FAR1: variants seen among roughly 807,000 people sequenced by gnomAD.
FAR1 encodes the protein male sterility domain-containing protein 2.
In FAR1, 22 loss-of-function variants were observed where a neutral mutation model predicts 61.1. The ratio of observed to expected loss-of-function variants is 0.36; its 90% confidence interval spans 0.26 to 0.51. The LOEUF is 0.51. FAR1 is among the 20% of genes least tolerant of loss of function. The pLI, the probability that FAR1 is intolerant of heterozygous loss-of-function variation, is 0.95. For synonymous variants in FAR1, 206 were observed against 209.7 expected (o/e 0.98, Z 0.15); for missense variants, 359 against 626.9 (o/e 0.57, Z 4.56).
intron 2 of FAR1, among the ~76,000 whole-genome samples, 179 bp from the exon 3 acceptor site, chr11:13,700,138 G>A (rs908831149): frequency 2.0e-5 from 3 of 152,056 alleles, no homozygotes; most frequent in Non-Finnish European, 2.9e-5. Flanking sequence ...GGATAATAGC[G>A]TGGGCCTCAT....
At chr11:13,706,981 A>C (rs1848439264) in intron 3 of FAR1, among the ~76,000 whole-genome samples, 1 of 152,198 alleles carries the variant, frequency 6.6e-6, no homozygotes, top group African/African-American at 2.4e-5. Context: ...CACAGGTCTG[A>C]TTCCAGAGCC....
intron 1 of FAR1, among the ~76,000 whole-genome samples, chr11:13,671,125 T>C (rs1847998568): frequency 6.6e-6 from 1 of 152,242 alleles, no homozygotes; most frequent in Admixed American, 6.5e-5. Context: ...TAACAATACC[T>C]AAGTGCTGAG....
rs944929328 is a variant in FAR1 at position 13,728,487 on chromosome 11, T to C, written c.1386-125T>C. On this transcript the variant is annotated intron_variant, in intron 11 of 11. Transcript: ENST00000354817. Reference sequence around the variant, plus strand: ...TTTTACCTACAGTATACTTAATGCCTATCATAAGTTTCAAATTAATATGGA... The same window carrying C: ...TTTTACCTACAGTATACTTAATGCCCATCATAAGTTTCAAATTAATATGGA... 5.8e-5 allele frequency: 48 copies of C among 827,802 alleles called. No homozygotes were observed. In the African/African-American group the frequency reaches 7.8e-4, roughly 14 times the overall value. The allele number at this position is 827,802 out of a possible 1,614,324, so 51.3% of individuals were successfully genotyped here. A position where few individuals can be genotyped will look rare whatever the true frequency, so the allele number is the denominator to read the frequency against.
intron 1 of FAR1, among the ~76,000 whole-genome samples, 177 bp from the exon 2 acceptor site, chr11:13,694,582 C>G (rs186957753): frequency 1.1e-4 from 17 of 152,300 alleles, no homozygotes; most frequent in African/African-American, 4.1e-4. Flanking sequence ...AGCTATAGTT[C>G]TCATTCTTCT....
intron 1 of FAR1, among the ~76,000 whole-genome samples, chr11:13,688,488 G>GT (rs992159800): frequency 1.3e-4 from 19 of 151,754 alleles, no homozygotes; most frequent in Admixed American, 2.6e-4. Flanking sequence ...ATCATTCTGG[G>GT]TTTTTTTTAG....
intron 1 of FAR1, among the ~76,000 whole-genome samples, chr11:13,692,031 G>A (rs564676588): frequency 6.6e-6 from 1 of 152,244 alleles, no homozygotes; most frequent in East Asian, 1.9e-4. Context: ...AGCTGGGCGT[G>A]GTGGCGGGCA....
chr11:13,699,642 A>G (rs1591263215), intron 2 of FAR1, among the ~76,000 whole-genome samples: 1 of 152,210 alleles, frequency 6.6e-6, no homozygotes, highest in South Asian at 2.1e-4. Flanking sequence ...ACAATTGAAT[A>G]TGCCTTTAAA....
chr11:13,696,520 A>G (rs1017189643), intron 2 of FAR1, among the ~76,000 whole-genome samples: 1 of 152,160 alleles, frequency 6.6e-6, no homozygotes, highest in African/African-American at 2.4e-5. Context: ...TTTCTTCCAC[A>G]CTAAGCCTAA....
intron 1 of FAR1, among the ~76,000 whole-genome samples, chr11:13,686,029 G>A (rs1195420831): frequency 6.6e-6 from 1 of 152,122 alleles, no homozygotes; most frequent in Non-Finnish European, 1.5e-5. Flanking sequence ...TCTCATTCAT[G>A]ATGTGATGCC....
rs938472441 is a variant in FAR1 at position 13,726,080 on chromosome 11, T to C, written c.1258-1476T>C. On this transcript the variant is annotated intron_variant, in intron 10 of 11. Coordinates refer to ENST00000354817, the MANE Select transcript of FAR1 (RefSeq NM_032228.6). Reference sequence around the variant, plus strand: ...AAGGTCTAATATAAATTGATACTTTTATCCTTCTCTGATAGTGAAGGATCA... The same window carrying C: ...AAGGTCTAATATAAATTGATACTTTCATCCTTCTCTGATAGTGAAGGATCA... 3.3e-5 allele frequency among the ~76,000 whole-genome samples: 5 copies of C among 152,238 alleles called. No individual in the cohort carries two copies. In the East Asian group the frequency reaches 7.7e-4, roughly 23 times the overall value.
intron 9 of FAR1, among the ~76,000 whole-genome samples, chr11:13,718,456 G>A (rs1189636512): frequency 5.9e-5 from 9 of 152,266 alleles, no homozygotes; most frequent in African/African-American, 2.2e-4. Context: ...CTCACCAACA[G>A]CTTTCTTAAA....
chr11:13,691,681 T>C (rs1374392314), intron 1 of FAR1, among the ~76,000 whole-genome samples: 2 of 152,220 alleles, frequency 1.3e-5, no homozygotes, highest in African/African-American at 4.8e-5. Context: ...GGTTCATCCA[T>C]GTTGTAGTAA....
intron 1 of FAR1, among the ~76,000 whole-genome samples, chr11:13,694,440 G>T (rs561997999): frequency 6.6e-6 from 1 of 152,300 alleles, no homozygotes; most frequent in Admixed American, 6.5e-5. Flanking sequence ...GTTGAATGAA[G>T]ATTTGAGTTC....
At chr11:13,714,718 TAAAC>T (rs767261032) in intron 9 of FAR1, 38 bp downstream of exon 9, 17 of 1,557,288 alleles carry the variant, frequency 1.1e-5, no homozygotes, top group African/African-American at 4.1e-5. Context: ...GTTCCTCTGT[TAAAC>T]AACCCATGCT....
At chr11:13,704,033 A>G (rs981391822) in intron 3 of FAR1, among the ~76,000 whole-genome samples, 4 of 144,460 alleles carry the variant, frequency 2.8e-5, no homozygotes, top group Non-Finnish European at 6.1e-5. Context: ...GACAAGAGCG[A>G]AACTCCGTCT....
chr11:13,717,665 G>A (rs1277592349), intron 9 of FAR1, among the ~76,000 whole-genome samples: 1 of 152,120 alleles, frequency 6.6e-6, no homozygotes, highest in Non-Finnish European at 1.5e-5. Flanking sequence ...AGCTTTTCTT[G>A]TAAATTAAGG....
chr11:13,672,988 T>C (rs1377656341), intron 1 of FAR1, among the ~76,000 whole-genome samples: 2 of 152,214 alleles, frequency 1.3e-5, no homozygotes, highest in African/African-American at 4.8e-5. Flanking sequence ...ATAGTTCCTC[T>C]CATTAATGGG....
chr11:13,684,807 G>A (rs941527025), intron 1 of FAR1, among the ~76,000 whole-genome samples: 5 of 152,174 alleles, frequency 3.3e-5, no homozygotes, highest in African/African-American at 4.8e-5. Context: ...TGTGAACATG[G>A]TGACCATTCA....
At chr11:13,711,166 G>A (rs1848494754) in intron 5 of FAR1, 1 of 346,698 alleles carries the variant, frequency 2.9e-6, no homozygotes, top group Non-Finnish European at 5.2e-6. Flanking sequence ...GCAAAAAGAG[G>A]CAGACCTTCC....
Sources: allele counts gnomAD v4.1 joint callset (sites outside exome capture counted in the v4.1 genomes callset), GRCh38; gene constraint gnomAD v4.1.1; transcripts MANE v1.5; gene names NCBI Gene and HGNC (gene_info 2026-07-23, HGNC 2026-07-21).